Variants in FSAF1 observed in about 807,000 individuals in gnomAD.
FSAF1 encodes the protein uncharacterized protein C1orf131.
chr1:231,231,334 T>C, the FSAF1 span, among the ~76,000 whole-genome samples: 1 of 152,230 alleles, frequency 6.6e-6, no homozygotes, highest in East Asian at 1.9e-4. Flanking sequence ...CTATTTACTA[T>C]GACCATATCT....
At chr1:231,227,867 G>A in the FSAF1 span, among the ~76,000 whole-genome samples, 2 of 152,114 alleles carry the variant, frequency 1.3e-5, no homozygotes, top group Non-Finnish European at 2.9e-5. Context: ...GGGATTACAG[G>A]CATGAGCCAC....
At chr1:231,231,292 C>T in the FSAF1 span, among the ~76,000 whole-genome samples, 2 of 152,168 alleles carry the variant, frequency 1.3e-5, no homozygotes, top group Admixed American at 6.5e-5. Context: ...TTTGAAGTTA[C>T]GATATCTTTT....
the FSAF1 span, among the ~76,000 whole-genome samples, chr1:231,235,090 C>T: frequency 1.8e-4 from 28 of 152,236 alleles, no homozygotes; most frequent in Non-Finnish European, 3.2e-4. Context: ...TTCTTCACTG[C>T]TCCATCTGCA....
the FSAF1 span, among the ~76,000 whole-genome samples, chr1:231,235,515 T>G: frequency 6.8e-6 from 1 of 148,018 alleles, no homozygotes; most frequent in African/African-American, 2.5e-5. Flanking sequence ...AAAAGGGACA[T>G]GATGGCTGGG....
At chr1:231,225,137 T>C in the FSAF1 span, 1 of 330,458 alleles carries the variant, frequency 3.0e-6, no homozygotes, top group Non-Finnish European at 5.5e-6. Context: ...CTATCTTACG[T>C]GGTATGTCAA....
chr1:231,239,918 T>C, the FSAF1 span, among the ~76,000 whole-genome samples: 27 of 152,352 alleles, frequency 1.8e-4, no homozygotes, highest in African/African-American at 6.3e-4. Flanking sequence ...CCAGCCTGTG[T>C]TGACATGAAC....
At chr1:231,227,243 C>A in the FSAF1 span, among the ~76,000 whole-genome samples, 2 of 152,190 alleles carry the variant, frequency 1.3e-5, no homozygotes, top group African/African-American at 4.8e-5. Context: ...CTACCATACA[C>A]CATCTCTCAC....
chr1:231,227,644 A>G, the FSAF1 span, among the ~76,000 whole-genome samples: 3 of 141,386 alleles, frequency 2.1e-5, no homozygotes, highest in African/African-American at 8.1e-5. Context: ...GCTGGAGCAC[A>G]GTGGCATGAT....
the FSAF1 span, chr1:231,226,584 A>C: frequency 1.4e-6 from 1 of 704,184 alleles, no homozygotes; most frequent in Non-Finnish European, 2.5e-6. Context: ...GGCTGGTATT[A>C]CTAAACAGAG....
At chr1:231,226,700 C>T in the FSAF1 span, 1 of 1,525,484 alleles carries the variant, frequency 6.6e-7, no homozygotes, top group Non-Finnish European at 9.1e-7. Context: ...CATCCATCTT[C>T]CCATTCTAGT....
the FSAF1 span, chr1:231,229,077 T>C: frequency 3.4e-6 from 3 of 881,284 alleles, no homozygotes; most frequent in Non-Finnish European, 5.1e-6. Context: ...AAATTTAATA[T>C]AAACATACAT....
At chr1:231,240,514 T>G in the FSAF1 span, among the ~76,000 whole-genome samples, 1 of 148,500 alleles carries the variant, frequency 6.7e-6, no homozygotes, top group South Asian at 2.1e-4. This position sits in a 1 kb window ranked among gnomAD's most constrained non-coding sequence, Gnocchi z 4.1. Context: ...GAACGGAGAG[T>G]AAAAGATCAG....
the FSAF1 span, chr1:231,239,097 T>C: frequency 6.2e-7 from 1 of 1,614,054 alleles, no homozygotes; most frequent in Non-Finnish European, 8.5e-7. Flanking sequence ...GAGATGGCTC[T>C]GCTGCCAAGG....
the FSAF1 span, among the ~76,000 whole-genome samples, chr1:231,232,473 C>T: frequency 0.19 from 28,273 of 152,150 alleles, 2,719 homozygotes; most frequent in East Asian, 0.25. Context: ...CCCGTCATCC[C>T]GGGTCCCTAG....
chr1:231,227,106 C>T, the FSAF1 span: 1 of 1,594,766 alleles, frequency 6.3e-7, no homozygotes, highest in Non-Finnish European at 8.6e-7. Flanking sequence ...AAGTGCATTC[C>T]AACAACTCCA....
At chr1:231,236,288 G>C in the FSAF1 span, among the ~76,000 whole-genome samples, 1 of 152,058 alleles carries the variant, frequency 6.6e-6, no homozygotes, top group African/African-American at 2.4e-5. Flanking sequence ...ACATTCTGAG[G>C]TCATTTTACA....
the FSAF1 span, chr1:231,224,430 G>T: frequency 1.3e-6 from 2 of 1,599,258 alleles, no homozygotes; most frequent in Non-Finnish European, 1.7e-6. Flanking sequence ...TTTAAAGTAA[G>T]AGAAAGGTAC....
chr1:231,241,086 G>C, the FSAF1 span: 4 of 1,614,176 alleles, frequency 2.5e-6, no homozygotes, highest in Non-Finnish European at 3.4e-6. Flanking sequence ...AGGCGTGGAG[G>C]ACCCCGGCCC....
At chr1:231,227,161 G>T in the FSAF1 span, 5 of 1,304,834 alleles carry the variant, frequency 3.8e-6, no homozygotes, top group Admixed American at 5.4e-5. Context: ...CAGATCCACC[G>T]CTCTGTAATG....
Sources: allele counts gnomAD v4.1 joint callset (sites outside exome capture counted in the v4.1 genomes callset), GRCh38; gene constraint gnomAD v4.1.1; non-coding constraint Gnocchi (gnomAD v3.1); transcripts MANE v1.5; gene names NCBI Gene and HGNC (gene_info 2026-07-23, HGNC 2026-07-21).